Variants in EIF4B observed in about 807,000 individuals in gnomAD.
EIF4B encodes the protein eukaryotic translation initiation factor 4B.
Under a neutral mutation model 79.3 loss-of-function variants are expected in EIF4B, and 8 were observed. The observed-to-expected ratio is 0.10, with a 90% CI of 0.06 to 0.18. EIF4B has a LOEUF of 0.18. EIF4B is among the 10% of genes least tolerant of loss of function. EIF4B has a pLI of 1.00. For synonymous variants in EIF4B, 238 were observed against 274.7 expected, an observed-to-expected ratio of 0.87 and a Z score of 1.32; for missense variants, 515 against 792.4, an observed-to-expected ratio of 0.65 and a Z score of 4.20.
intron 6 of EIF4B, among the ~76,000 whole-genome samples, chr12:53,024,301 A>C (rs577477852): frequency 6.6e-6 from 1 of 151,920 alleles, no homozygotes; most frequent in East Asian, 1.9e-4. Context: ...TCTGTAATCA[A>C]ATACTTAATA....
At chr12:53,019,828 G>A in intron 3 of EIF4B, 82 bp from the exon 4 acceptor site, 2 of 1,339,222 alleles carry the variant, frequency 1.5e-6, no homozygotes, top group Non-Finnish European at 2.1e-6. Context: ...TGCACATACA[G>A]TAATGCTTTT....
At chr12:53,013,312 G>A (rs1943095775) in intron 1 of EIF4B, among the ~76,000 whole-genome samples, 1 of 152,146 alleles carries the variant, frequency 6.6e-6, no homozygotes, top group South Asian at 2.1e-4. Context: ...TTAATAATTG[G>A]ATATTAGCTG....
chr12:53,034,803 G>A, intron 10 of EIF4B, 94 bp downstream of exon 10: 3 of 1,400,518 alleles, frequency 2.1e-6, no homozygotes, highest in Non-Finnish European at 3.0e-6. Context: ...TTTAAATTCA[G>A]TCATGAACTC....
chr12:53,016,332 C>CA, intron 1 of EIF4B, 141 bp from the exon 2 acceptor site: 1 of 1,118,066 alleles, frequency 8.9e-7, no homozygotes, highest in Non-Finnish European at 1.3e-6. Flanking sequence ...CATAGTACCC[C>CA]TTCATGGAAA....
chr12:53,016,323 A>G (rs1248035261), intron 1 of EIF4B, 150 bp from the exon 2 acceptor site: 2 of 999,244 alleles, frequency 2.0e-6, no homozygotes. Flanking sequence ...TTATGTCTGC[A>G]TAGTACCCCT....
rs1282646677 is a variant in EIF4B, at chr12:53,041,317, TATTGA to T, written c.*1095_*1099del. 1 of 152,178 alleles carries T rather than the reference TATTGA, an allele frequency of 6.6e-6. No homozygotes were observed. Among genetic ancestry groups the T allele is most frequent in the Non-Finnish European group, 1.5e-5 (1 of 68,040 alleles). 9.4% of individuals were successfully genotyped at this position (152,178 alleles called of 1,614,324 possible). A position where few individuals can be genotyped will look rare whatever the true frequency, so the allele number is the denominator to read the frequency against. ...CTGCTCCTGATGCTTGGACCCCTTT[TATTGA>T]TCAGAGTGCTCTAGAATAATGGATG... On this transcript the variant is annotated 3_prime_UTR_variant, in exon 15 of 15. Coordinates refer to ENST00000262056, the MANE Select transcript of EIF4B (RefSeq NM_001417.7).
intron 10 of EIF4B, among the ~76,000 whole-genome samples, chr12:53,035,400 G>A (rs887175425): frequency 1.3e-5 from 2 of 149,848 alleles, no homozygotes; most frequent in Non-Finnish European, 3.0e-5. Flanking sequence ...ACCGAGTCTC[G>A]CTCTGTCGCC....
At chr12:53,009,820 GA>G (rs1475041072) in intron 1 of EIF4B, among the ~76,000 whole-genome samples, 1 of 152,284 alleles carries the variant, frequency 6.6e-6, no homozygotes, top group East Asian at 1.9e-4. Flanking sequence ...TACAAATACA[GA>G]ATAGTGTCAA....
At chr12:53,028,289 T>C in intron 8 of EIF4B, 101 bp downstream of exon 8, 1 of 1,436,412 alleles carries the variant, frequency 7.0e-7, no homozygotes, top group Non-Finnish European at 9.2e-7. Flanking sequence ...ACAAATATAA[T>C]TTGCACATTG....
chr12:53,023,280 T>G (rs1943278758), intron 6 of EIF4B, among the ~76,000 whole-genome samples: 1 of 152,228 alleles, frequency 6.6e-6, no homozygotes, highest in Non-Finnish European at 1.5e-5. Context: ...TCGCCCAGGC[T>G]GGAGTGCAGT....
In EIF4B at chr12:53,033,867, C is replaced by T. The variant is rs1943490869; in HGVS notation, c.1041C>T (p.Ser347=). ...KPRSTPKEDD[S]SASTSQSTRA... ...GGAGTACTCCTAAGGAAGATGATTC[C>T]TCTGCTAGTACCTCCCAGTCCACTC... is the stretch of plus-strand genomic sequence containing the variant. The change falls in exon 9 of 15, where the codon TCC becomes TCT. Residue 347 remains serine, a synonymous_variant. Coordinates refer to ENST00000262056, the MANE Select transcript of EIF4B (RefSeq NM_001417.7). The T allele has an allele frequency of 6.2e-7, 1 of 1,614,006 alleles. No homozygotes were observed. Among genetic ancestry groups the T allele is most frequent in the Non-Finnish European group, 8.5e-7 (1 of 1,179,880 alleles).
chr12:53,010,194 G>A (rs1341861796), intron 1 of EIF4B, among the ~76,000 whole-genome samples: 1 of 152,184 alleles, frequency 6.6e-6, no homozygotes, highest in Non-Finnish European at 1.5e-5. Context: ...TAAGGAAAAG[G>A]TAGTATGGCA....
chr12:53,019,033 CTAGA>C (rs1278472723), intron 3 of EIF4B, 27 bp downstream of exon 3: 1 of 1,606,800 alleles, frequency 6.2e-7, no homozygotes, highest in South Asian at 1.1e-5. Context: ...TAATAATTAA[CTAGA>C]TATTGAGGAT....
intron 4 of EIF4B, among the ~76,000 whole-genome samples, chr12:53,020,381 A>G (rs1441444403): frequency 1.3e-5 from 2 of 152,222 alleles, no homozygotes; most frequent in Non-Finnish European, 2.9e-5. Flanking sequence ...GCAAATAGAA[A>G]AATCAAGTTT....
intron 1 of EIF4B, among the ~76,000 whole-genome samples, chr12:53,007,308 A>T (rs1942982416): frequency 6.6e-6 from 1 of 151,340 alleles, no homozygotes; most frequent in Non-Finnish European, 1.5e-5. Flanking sequence ...CTTTTTTCTC[A>T]TACTCAATTG....
intron 14 of EIF4B, 64 bp downstream of exon 14, chr12:53,039,766 C>G: frequency 6.6e-7 from 1 of 1,510,496 alleles, no homozygotes; most frequent in South Asian, 1.2e-5. Flanking sequence ...TCTAAGTATT[C>G]TTACTAAGAA....
chr12:53,028,214 C>A, intron 8 of EIF4B, 26 bp downstream of exon 8: 9 of 1,542,492 alleles, frequency 5.8e-6, no homozygotes, highest in Non-Finnish European at 7.8e-6. Context: ...TTACGTACTT[C>A]ATGGAGCAGA....
chr12:53,039,854 C>T, intron 14 of EIF4B, 152 bp downstream of exon 14: 1 of 802,316 alleles, frequency 1.2e-6, no homozygotes, highest in Non-Finnish European at 1.8e-6. Flanking sequence ...GGAAATAAGA[C>T]ATTGGTCTTT....
In EIF4B at chr12:53,016,496, A is replaced by C; in HGVS notation, c.37A>C (p.Lys13Gln). ...AGCAAAAAAGAAGAATAAGAAGGGG[A>C]AGACTATCTCCCTAACAGACTTTCT... ...ASAKKKNKKG[K>Q]TISLTDFLAE... Residue 13 changes from lysine to glutamine, a missense_variant, in exon 2 of 15, where the codon AAG (lysine) becomes CAG (glutamine). By Grantham distance (53) the Lys-to-Gln change is moderately conservative. Around this residue, in one of 6 missense-constraint regions of EIF4B, gnomAD observed 105 missense variants for 177.2 expected, o/e 0.59. Transcript: ENST00000262056. 6.2e-7 allele frequency: 1 copy of C among 1,612,692 alleles called. No homozygotes were observed. The highest frequency in any genetic ancestry group is 8.5e-7 in the Non-Finnish European group (1 of 1,179,874).
Sources: gnomAD v4.1 joint callset for allele counts (sites outside exome capture counted in the v4.1 genomes callset) on GRCh38, gnomAD v4.1.1 for gene constraint, gnomAD v4.1.1 regional missense constraint, MANE v1.5 for transcripts, NCBI Gene and HGNC (gene_info 2026-07-23, HGNC 2026-07-21) for gene names.